SLC4A4: variants seen among roughly 807,000 people sequenced by gnomAD.
SLC4A4 encodes electrogenic sodium bicarbonate cotransporter 1.
SLC4A4 carries 27 observed loss-of-function variants against 111.5 expected under a neutral mutation model. The ratio of observed to expected loss-of-function variants is 0.24; its 90% CI spans 0.18 to 0.33. SLC4A4 has a LOEUF of 0.33. SLC4A4 is among the 10% of genes least tolerant of loss of function. SLC4A4 has a pLI of 1.00. For synonymous variants in SLC4A4, 443 were observed against 463.4 expected, an observed-to-expected ratio of 0.96 and a Z score of 0.57; for missense variants, 909 against 1,315.5, an observed-to-expected ratio of 0.69 and a Z score of 4.78.
In SLC4A4 at chr4:71,497,091, C is replaced by T. The variant is rs145681851; in HGVS notation, c.1975-410C>T. Among the ~76,000 whole-genome samples the T allele has an allele frequency of 2.7e-3, 417 of 152,164 alleles. 3 individuals are homozygous for T. Among genetic ancestry groups the T allele is most frequent in the African/African-American group, 9.2e-3 (384 of 41,534 alleles). Reference sequence around the variant, plus strand: ...TAACCATAGGGCCATCAGGTAGACACGTAAGAAGCTGTGCCTTACAAAGGT... The same window carrying T: ...TAACCATAGGGCCATCAGGTAGACATGTAAGAAGCTGTGCCTTACAAAGGT... On this transcript the variant is annotated intron_variant, in intron 15 of 25. Coordinates refer to ENST00000264485, the MANE Select transcript of SLC4A4 (RefSeq NM_001098484.3).
chr4:71,143,158 T>C (rs1482393285), intron 2 of SLC4A4, among the ~76,000 whole-genome samples: 2 of 151,960 alleles, frequency 1.3e-5, no homozygotes, highest in Non-Finnish European at 2.9e-5. Context: ...TCCATGTGTT[T>C]TCATTGTTCA....
chr4:71,155,846 A>T (rs1744447292), intron 2 of SLC4A4, among the ~76,000 whole-genome samples: 1 of 152,180 alleles, frequency 6.6e-6, no homozygotes, highest in Non-Finnish European at 1.5e-5. Context: ...GGGCACTCTT[A>T]AGTGCATAAA....
At chr4:71,319,037 G>A (rs1158256920) in intron 3 of SLC4A4, among the ~76,000 whole-genome samples, 1 of 151,814 alleles carries the variant, frequency 6.6e-6, no homozygotes, top group Non-Finnish European at 1.5e-5. Context: ...ATATTCATTG[G>A]TGTCTCTTGG....
rs1351029771 is a variant in SLC4A4, at chr4:71,093,399, C to T, written c.-2+607C>T. Among the ~76,000 whole-genome samples, 15 of 152,226 alleles carry T rather than the reference C, an allele frequency of 9.9e-5. No homozygotes were observed. The East Asian group carries it at 2.7e-3, about 28-fold the overall frequency. ...GCCAGGCTGGTCTTGAACTCCTGAC[C>T]TCAAGTGATCTGCCTGTCTCGGCTT... On this transcript the variant is annotated intron_variant, in intron 2 of 26. Transcript: ENST00000649996.
intron 3 of SLC4A4, among the ~76,000 whole-genome samples, chr4:71,270,650 C>T (rs893689511): frequency 6.6e-6 from 1 of 152,200 alleles, no homozygotes; most frequent in Non-Finnish European, 1.5e-5. Context: ...TTAAAAACAT[C>T]CCCTACTCTG....
In SLC4A4 at chr4:71,339,380, T is replaced by A. The variant is rs758317436; in HGVS notation, c.264T>A (p.Ala88=). 6.2e-7 allele frequency: 1 copy of A among 1,614,178 alleles called. No homozygotes were observed. Among genetic ancestry groups the A allele is most frequent in the Admixed American group, 1.7e-5 (1 of 60,028 alleles). Residue 88 remains alanine, a synonymous_variant, in exon 4 of 26, where the codon GCT becomes GCA. Coordinates refer to ENST00000264485, the MANE Select transcript of SLC4A4 (RefSeq NM_001098484.3). ...TTTTCACTTCTGCAGTCTCTCCTGCTGCAGAACGCATCCGATTCATCTTGG... is the reference window on the plus strand; with the variant it reads ...TTTTCACTTCTGCAGTCTCTCCTGCAGCAGAACGCATCCGATTCATCTTGG... ...SSILKPLISP[A]AERIRFILGE...
chr4:71,407,625 A>G (rs1165553116), intron 7 of SLC4A4, among the ~76,000 whole-genome samples: 1 of 152,250 alleles, frequency 6.6e-6, no homozygotes, highest in African/African-American at 2.4e-5. Context: ...AGGTTAGGTA[A>G]GAAATGGGAG....
At chr4:71,221,011 C>A (rs1420485022) in intron 1 of SLC4A4, among the ~76,000 whole-genome samples, 1 of 152,194 alleles carries the variant, frequency 6.6e-6, no homozygotes, top group Non-Finnish European at 1.5e-5. Context: ...AGGATAATAG[C>A]CTCCAGCTGC....
intron 15 of SLC4A4, among the ~76,000 whole-genome samples, chr4:71,493,836 C>T (rs934480315): frequency 5.9e-5 from 9 of 151,998 alleles, no homozygotes; most frequent in African/African-American, 9.7e-5. Flanking sequence ...TTGCAATTTG[C>T]ATATTCTAAC....
intron 5 of SLC4A4, 87 bp from the exon 6 acceptor site, chr4:71,356,921 G>A: frequency 1.7e-6 from 2 of 1,196,700 alleles, no homozygotes; most frequent in Non-Finnish European, 2.4e-6. Flanking sequence ...TATTAAATTT[G>A]AGGGTGACAT....
chr4:71,072,436 A>G (rs1364589261), intron 1 of SLC4A4, among the ~76,000 whole-genome samples: 1 of 152,192 alleles, frequency 6.6e-6, no homozygotes, highest in Non-Finnish European at 1.5e-5. Flanking sequence ...TCAGCAATTT[A>G]TCACCCATTC....
chr4:71,184,866 A>T (rs1354555426), upstream of SLC4A4, among the ~76,000 whole-genome samples: 2 of 152,224 alleles, frequency 1.3e-5, no homozygotes, highest in Non-Finnish European at 2.9e-5. Flanking sequence ...TAGGAAAGGA[A>T]ATAGAACACT....
chr4:71,141,976 T>C (rs981500691), intron 2 of SLC4A4, among the ~76,000 whole-genome samples: 5 of 152,220 alleles, frequency 3.3e-5, no homozygotes, highest in Non-Finnish European at 1.5e-5. Context: ...TACAATATAA[T>C]AGCACTTACT....
chr4:71,555,062 CT>C, intron 20 of SLC4A4, 77 bp from the exon 21 acceptor site: 3 of 1,038,854 alleles, frequency 2.9e-6, no homozygotes, highest in Non-Finnish European at 4.5e-6. Context: ...TAGATTTAGC[CT>C]TTATTTAAAT....
intron 16 of SLC4A4, among the ~76,000 whole-genome samples, chr4:71,511,694 C>A (rs761416770): frequency 1.1e-4 from 17 of 152,018 alleles, no homozygotes; most frequent in Non-Finnish European, 2.2e-4. Context: ...GTCACTCTAA[C>A]CTTTTATCAA....
chr4:71,447,576 T>G, intron 8 of SLC4A4, 70 bp from the exon 9 acceptor site: 1 of 945,970 alleles, frequency 1.1e-6, no homozygotes, highest in Non-Finnish European at 1.7e-6. Context: ...GTTAAACATT[T>G]CTCAGTTTTA....
chr4:71,173,648 T>G (rs1419840920), intron 2 of SLC4A4, among the ~76,000 whole-genome samples: 2 of 152,236 alleles, frequency 1.3e-5, no homozygotes, highest in Non-Finnish European at 2.9e-5. Flanking sequence ...GTGGTGGGAT[T>G]ACAGGCATAA....
chr4:71,124,295 C>G (rs997499577), intron 2 of SLC4A4, among the ~76,000 whole-genome samples: 1 of 151,432 alleles, frequency 6.6e-6, no homozygotes, highest in Non-Finnish European at 1.5e-5. Flanking sequence ...CCTCAGCCTT[C>G]TGAACAGCTG....
At chr4:71,273,693 T>C (rs1428024441) in intron 3 of SLC4A4, among the ~76,000 whole-genome samples, 1 of 151,988 alleles carries the variant, frequency 6.6e-6, no homozygotes, top group Non-Finnish European at 1.5e-5. Context: ...TTTTTTTTTT[T>C]TACAAAACAA....
Sources: allele counts gnomAD v4.1 joint callset (sites outside exome capture counted in the v4.1 genomes callset), GRCh38; gene constraint gnomAD v4.1.1; transcripts MANE v1.5; gene names NCBI Gene and HGNC (gene_info 2026-07-23, HGNC 2026-07-21).